UBR3: variants seen among roughly 807,000 people sequenced by gnomAD.
UBR3 encodes the protein ubiquitin protein ligase E3 component n-recognin 3.
A neutral mutation model predicts 243.2 loss-of-function variants in UBR3; 85 were observed. That is an observed-to-expected ratio of 0.35 (90% CI 0.29 to 0.42). The LOEUF is 0.42. UBR3 is among the 10% of genes least tolerant of loss of function. The pLI, the probability that UBR3 is intolerant of heterozygous loss-of-function variation, is 1.00. For synonymous variants in UBR3, 748 were observed against 799.8 expected, an observed-to-expected ratio of 0.94 and a Z score of 1.09; for missense variants, 1,686 against 2,300.8, an observed-to-expected ratio of 0.73 and a Z score of 5.47.
intron 1 of UBR3, among the ~76,000 whole-genome samples, chr2:169,842,630 C>T (rs1164932116): frequency 1.3e-5 from 2 of 151,984 alleles, no homozygotes; most frequent in African/African-American, 2.4e-5. Context: ...ACGAACAACT[C>T]CAGACGCGCT....
chr2:170,049,377 G>C (rs539756480), intron 32 of UBR3, among the ~76,000 whole-genome samples: 10 of 152,116 alleles, frequency 6.6e-5, no homozygotes, highest in Non-Finnish European at 1.3e-4. Context: ...AAGAGGAAGG[G>C]TTGATCTTGC....
Position 169,872,382 on chromosome 2 carries a change from T to G in UBR3, c.685+7T>G. ...GAAGGCTATAATGAACCAGGTATGT[T>G]TTAATCTACTTCTTGTTAGTACTCT... is the stretch of plus-strand genomic sequence containing the variant. On this transcript the variant is annotated splice_region_variant and intron_variant, in intron 2 of 38. Coordinates refer to ENST00000272793, the MANE Select transcript of UBR3 (RefSeq NM_172070.4). The G allele has an allele frequency of 1.4e-6, 2 of 1,442,098 alleles. No individual in the cohort carries two copies. Among genetic ancestry groups the G allele is most frequent in the Non-Finnish European group, 1.9e-6 (2 of 1,068,136 alleles). The allele number at this position is 1,442,098 out of a possible 1,614,324, so 89.3% of individuals were successfully genotyped here. A position where few individuals can be genotyped will look rare whatever the true frequency, so the allele number is the denominator to read the frequency against.
intron 10 of UBR3, among the ~76,000 whole-genome samples, chr2:169,909,037 A>G (rs929122813): frequency 5.9e-5 from 9 of 151,934 alleles, no homozygotes; most frequent in African/African-American, 2.2e-4. Flanking sequence ...TGTAGCCAGG[A>G]TGGTCTCAAT....
intron 6 of UBR3, among the ~76,000 whole-genome samples, chr2:169,893,308 T>A (rs1267495503): frequency 6.6e-6 from 1 of 152,248 alleles, no homozygotes; most frequent in Non-Finnish European, 1.5e-5. Context: ...TAATGTATAT[T>A]TTCTTTTAAG....
At chr2:169,849,361 C>T (rs1253955247) in intron 1 of UBR3, among the ~76,000 whole-genome samples, 1 of 152,248 alleles carries the variant, frequency 6.6e-6, no homozygotes, top group African/African-American at 2.4e-5. Context: ...CCTCAAGGGG[C>T]TCACACAACC....
At chr2:169,881,111 AT>A (rs1399693393) in intron 5 of UBR3, among the ~76,000 whole-genome samples, 1 of 152,102 alleles carries the variant, frequency 6.6e-6, no homozygotes, top group Non-Finnish European at 1.5e-5. Flanking sequence ...AGCTGAGAAG[AT>A]TTACTTTTAA....
intron 5 of UBR3, among the ~76,000 whole-genome samples, chr2:169,881,991 G>A (rs1256374758): frequency 1.7e-5 from 2 of 116,724 alleles, no homozygotes; most frequent in South Asian, 2.4e-4. Context: ...ATATGTATAT[G>A]TATATTTATA....
chr2:170,082,936 G>A lies in UBR3; in HGVS notation c.*1093G>A, dbSNP rs1192829013. The A allele has an allele frequency of 6.6e-6, 1 of 152,560 alleles. No homozygotes were observed. The highest frequency in any genetic ancestry group is 2.1e-4 in the South Asian group (1 of 4,828). The allele number at this position is 152,560 out of a possible 1,614,324, so 9.5% of individuals were successfully genotyped here. A position where few individuals can be genotyped will look rare whatever the true frequency, so the allele number is the denominator to read the frequency against. On this transcript the variant is annotated 3_prime_UTR_variant, in exon 39 of 39. Coordinates refer to ENST00000272793, the MANE Select transcript of UBR3 (RefSeq NM_172070.4). ...CTGCTGTGAAAAACAATTTATGTTTGCAGGGTTTAAAAATCAGTAAAAATG... is the reference window on the plus strand; with the variant it reads ...CTGCTGTGAAAAACAATTTATGTTTACAGGGTTTAAAAATCAGTAAAAATG...
chr2:170,017,668 A>G (rs1240300711), intron 30 of UBR3, among the ~76,000 whole-genome samples: 1 of 152,036 alleles, frequency 6.6e-6, no homozygotes, highest in Non-Finnish European at 1.5e-5. Context: ...ATAAAATTGA[A>G]ATGGAACAAT....
intron 29 of UBR3, among the ~76,000 whole-genome samples, chr2:170,009,601 G>C (rs2090024683): frequency 6.6e-6 from 1 of 152,114 alleles, no homozygotes; most frequent in Non-Finnish European, 1.5e-5. Flanking sequence ...CATAAAAGCA[G>C]TAAATAGAGG....
chr2:169,967,041 T>G (rs1201751957), intron 24 of UBR3, among the ~76,000 whole-genome samples: 1 of 152,206 alleles, frequency 6.6e-6, no homozygotes, highest in Admixed American at 6.5e-5. Flanking sequence ...TAATACATTC[T>G]GTATATTGCA....
intron 8 of UBR3, among the ~76,000 whole-genome samples, chr2:169,899,195 G>C (rs1363914274): frequency 1.4e-5 from 2 of 147,400 alleles, no homozygotes; most frequent in Non-Finnish European, 3.0e-5. Flanking sequence ...GGCCAGGCTG[G>C]TCTTGGACTC....
intron 8 of UBR3, among the ~76,000 whole-genome samples, chr2:169,903,671 G>C (rs1256454867): frequency 6.6e-6 from 1 of 152,158 alleles, no homozygotes; most frequent in Admixed American, 6.5e-5. Flanking sequence ...CCTCCTGACT[G>C]ATGAGTATGA....
intron 23 of UBR3, among the ~76,000 whole-genome samples, chr2:169,955,261 C>G (rs200610325): frequency 6.7e-6 from 1 of 149,992 alleles, no homozygotes; most frequent in Admixed American, 6.6e-5. Context: ...TGGAGAGATA[C>G]TATGAGATAT....
At chr2:169,944,622 C>T (rs986027618) in intron 20 of UBR3, among the ~76,000 whole-genome samples, 2 of 151,904 alleles carry the variant, frequency 1.3e-5, no homozygotes, top group African/African-American at 4.8e-5. Flanking sequence ...TAGTAAACCA[C>T]CTTTATCTTC....
intron 1 of UBR3, among the ~76,000 whole-genome samples, chr2:169,863,488 C>T (rs1223865883): frequency 6.6e-6 from 1 of 152,182 alleles, no homozygotes; most frequent in East Asian, 1.9e-4. Flanking sequence ...TCCTTCCCCA[C>T]TAAGGACTAT....
chr2:170,077,585 T>C, intron 36 of UBR3: 1 of 530,566 alleles, frequency 1.9e-6, no homozygotes, highest in Admixed American at 3.4e-5. Context: ...GTCTTTCTCT[T>C]TCCTGTTGGA....
intron 19 of UBR3, 134 bp downstream of exon 19, chr2:169,933,142 G>A: frequency 5.0e-6 from 3 of 599,234 alleles, no homozygotes; most frequent in South Asian, 7.5e-5. Context: ...AATAATTTAA[G>A]GTTTAAAAAA....
intron 1 of UBR3, among the ~76,000 whole-genome samples, chr2:169,851,182 T>C (rs998396664): frequency 6.6e-6 from 1 of 152,220 alleles, no homozygotes; most frequent in Admixed American, 6.5e-5. Flanking sequence ...TACAGTGCAG[T>C]GGCACGATCT....
Sources: allele counts gnomAD v4.1 joint callset (sites outside exome capture counted in the v4.1 genomes callset), GRCh38; gene constraint gnomAD v4.1.1; transcripts MANE v1.5; gene names NCBI Gene and HGNC (gene_info 2026-07-23, HGNC 2026-07-21).